CCDC91: variants seen among roughly 807,000 people sequenced by gnomAD.
CCDC91 encodes coiled-coil domain-containing protein 91.
In CCDC91, 48 loss-of-function variants were observed where a neutral mutation model predicts 63.2. The observed-to-expected ratio is 0.76, with a 90% CI of 0.60 to 0.97. The LOEUF (loss-of-function observed/expected upper bound fraction) is 0.97, where lower values mean the gene tolerates loss of function less well. CCDC91 is among the 50% of genes least tolerant of loss of function. CCDC91 has a pLI of 0.00. For synonymous variants in CCDC91, 167 were observed against 165.8 expected, an observed-to-expected ratio of 1.01 and a Z score of -0.06; for missense variants, 500 against 494.6, an observed-to-expected ratio of 1.01 and a Z score of -0.10.
chr12:28,277,779 G>A (rs1948345039), intron 3 of CCDC91, among the ~76,000 whole-genome samples: 1 of 151,640 alleles, frequency 6.6e-6, no homozygotes, highest in Admixed American at 6.6e-5. Flanking sequence ...TCTATACATG[G>A]TTTCCAAAAT....
At chr12:28,202,550 T>G (rs1232189270) in intron 1 of CCDC91, among the ~76,000 whole-genome samples, 1 of 152,218 alleles carries the variant, frequency 6.6e-6, no homozygotes, top group Non-Finnish European at 1.5e-5. Context: ...ATTGGACAGT[T>G]ATTTCCCTAA....
chr12:28,315,023 G>A (rs1432206821), intron 6 of CCDC91, among the ~76,000 whole-genome samples: 1 of 151,770 alleles, frequency 6.6e-6, no homozygotes, highest in East Asian at 1.9e-4. Context: ...AATAAACATT[G>A]CCATAATAAG....
chr12:28,348,253 C>T (rs1432529672), intron 6 of CCDC91, among the ~76,000 whole-genome samples: 1 of 152,218 alleles, frequency 6.6e-6, no homozygotes, highest in Non-Finnish European at 1.5e-5. Context: ...TGTTTAGGGC[C>T]ACCAGGGAAT....
In CCDC91 at chr12:28,285,890, G is replaced by A. The variant is rs552302946; in HGVS notation, c.110-19759G>A. Among the ~76,000 whole-genome samples the A allele has an allele frequency of 1.3e-3, 190 of 151,812 alleles. 1 individual carries two copies. The highest frequency in any genetic ancestry group is 3.4e-3 in the African/African-American group (142 of 41,466). ...ATGATTATTCTGATAATTTTACTTC[G>A]TAAAGCAATTCGCAAATCATTATAA... is the stretch of plus-strand genomic sequence containing the variant. On this transcript the variant is annotated intron_variant, in intron 3 of 12. Transcript: ENST00000536442.
intron 3 of CCDC91, among the ~76,000 whole-genome samples, chr12:28,261,075 G>T (rs925748827): frequency 6.6e-6 from 1 of 151,962 alleles, no homozygotes; most frequent in Non-Finnish European, 1.5e-5. Flanking sequence ...TTATCAGCAG[G>T]ACTGTCTGGA....
intron 8 of CCDC91, among the ~76,000 whole-genome samples, chr12:28,443,085 G>A (rs554874836): frequency 1.3e-5 from 2 of 151,772 alleles, no homozygotes; most frequent in Non-Finnish European, 2.9e-5. Flanking sequence ...GGAAGGAGAT[G>A]GAAATAGGAT....
intron 12 of CCDC91, among the ~76,000 whole-genome samples, chr12:28,519,883 A>T (rs922532072): frequency 1.3e-5 from 2 of 151,870 alleles, no homozygotes; most frequent in Admixed American, 6.6e-5. Context: ...TCCATGTCCC[A>T]ACAAAGGACA....
chr12:28,289,778 G>C (rs1346938957), intron 3 of CCDC91, among the ~76,000 whole-genome samples: 1 of 136,626 alleles, frequency 7.3e-6, no homozygotes, highest in Non-Finnish European at 1.5e-5. Flanking sequence ...TGCAAGCTCC[G>C]CCTCCCAAGT....
intron 8 of CCDC91, among the ~76,000 whole-genome samples, chr12:28,401,842 A>T (rs1018224437): frequency 7.9e-5 from 12 of 152,186 alleles, no homozygotes; most frequent in African/African-American, 2.9e-4. Flanking sequence ...TATCAAAAGA[A>T]GTTTTGTATG....
intron 7 of CCDC91, among the ~76,000 whole-genome samples, chr12:28,370,142 C>T (rs1944522636): frequency 6.6e-6 from 1 of 152,196 alleles, no homozygotes; most frequent in African/African-American, 2.4e-5. Flanking sequence ...ATTGCATGTT[C>T]AGTCAGTCTG....
chr12:28,548,103 C>T lies in CCDC91; in HGVS notation c.1216-960C>T, dbSNP rs1365847717. 5.9e-5 allele frequency among the ~76,000 whole-genome samples: 9 copies of T among 152,014 alleles called. 1 individual carries two copies. The highest frequency in any genetic ancestry group is 5.9e-4 in the Admixed American group (9 of 15,220). On this transcript the variant is annotated intron_variant, in intron 12 of 12. Coordinates refer to ENST00000536442, the MANE Select transcript of CCDC91 (RefSeq NM_018318.5). ...CTTATATTCAATAATGTTTACCATC[C>T]AGAGAGTTCTTTATTATATATAATC...
At chr12:28,518,704 T>C (rs1940236951) in intron 12 of CCDC91, among the ~76,000 whole-genome samples, 1 of 151,946 alleles carries the variant, frequency 6.6e-6, no homozygotes, top group Non-Finnish European at 1.5e-5. Context: ...TGTTTTTGGG[T>C]TCTTGGTCAT....
chr12:28,257,561 T>C (rs1182259047), intron 2 of CCDC91, among the ~76,000 whole-genome samples: 1 of 152,146 alleles, frequency 6.6e-6, no homozygotes, highest in African/African-American at 2.4e-5. Flanking sequence ...GATACATGTC[T>C]GTTAGGAAAT....
At chr12:28,320,175 A>G (rs1940338284) in intron 6 of CCDC91, among the ~76,000 whole-genome samples, 1 of 151,880 alleles carries the variant, frequency 6.6e-6, no homozygotes, top group Non-Finnish European at 1.5e-5. Flanking sequence ...TCTTTTTAGG[A>G]ACATATAATT....
chr12:28,332,244 G>T (rs1941576738), intron 6 of CCDC91, among the ~76,000 whole-genome samples: 1 of 152,048 alleles, frequency 6.6e-6, no homozygotes, highest in African/African-American at 2.4e-5. Flanking sequence ...AAAAAAATCA[G>T]TAAATAAAAG....
chr12:28,513,261 T>C (rs570678255), intron 12 of CCDC91, among the ~76,000 whole-genome samples: 1 of 152,038 alleles, frequency 6.6e-6, no homozygotes, highest in South Asian at 2.1e-4. Flanking sequence ...CCTGATTCTT[T>C]AAAGAGTAAG....
At chr12:28,425,832 A>G (rs1016883630) in intron 8 of CCDC91, among the ~76,000 whole-genome samples, 6 of 152,136 alleles carry the variant, frequency 3.9e-5, no homozygotes, top group African/African-American at 1.2e-4. Context: ...CTACTGTATC[A>G]AAAACTCTGC....
intron 8 of CCDC91, among the ~76,000 whole-genome samples, chr12:28,406,800 G>C (rs1425413894): frequency 3.1e-5 from 4 of 130,004 alleles, no homozygotes; most frequent in South Asian, 4.8e-4. Context: ...TATGGTATCA[G>C]ATTTTAACTA....
chr12:28,229,973 T>C (rs1377808414), intron 1 of CCDC91, among the ~76,000 whole-genome samples: 2 of 152,184 alleles, frequency 1.3e-5, no homozygotes, highest in African/African-American at 2.4e-5. Flanking sequence ...TTCTTTATCT[T>C]TGTTGACTTT....
Sources: gnomAD v4.1 joint callset for allele counts (sites outside exome capture counted in the v4.1 genomes callset) on GRCh38, gnomAD v4.1.1 for gene constraint, MANE v1.5 for transcripts, NCBI Gene and HGNC (gene_info 2026-07-23, HGNC 2026-07-21) for gene names.